Variants in ENTREP2 observed in about 807,000 individuals in gnomAD.
ENTREP2 encodes endosomal transmembrane epsin interactor 2.
At chr15:29,646,557 C>T in the ENTREP2 span, among the ~76,000 whole-genome samples, 1 of 152,132 alleles carries the variant, frequency 6.6e-6, no homozygotes, top group Non-Finnish European at 1.5e-5. Context: ...TTCTACCTGC[C>T]TCTTCTCCCA....
chr15:29,603,802 C>T, the ENTREP2 span, among the ~76,000 whole-genome samples: 1 of 152,108 alleles, frequency 6.6e-6, no homozygotes, highest in Non-Finnish European at 1.5e-5. Flanking sequence ...CCACGCCTGG[C>T]TAACTTTCGT....
chr15:29,384,654 CTG>C, the ENTREP2 span, among the ~76,000 whole-genome samples: 1 of 152,180 alleles, frequency 6.6e-6, no homozygotes, highest in South Asian at 2.1e-4. Context: ...ACAGCAGCCA[CTG>C]TGTGACTCAC....
At chr15:29,254,245 T>C in the ENTREP2 span, among the ~76,000 whole-genome samples, 1 of 151,020 alleles carries the variant, frequency 6.6e-6, no homozygotes, top group African/African-American at 2.4e-5. Context: ...CCTTTCAATG[T>C]CTTTATGCTA....
chr15:29,229,881 G>T, the ENTREP2 span, among the ~76,000 whole-genome samples: 1 of 151,694 alleles, frequency 6.6e-6, no homozygotes, highest in South Asian at 2.1e-4. Context: ...GACCACTTTG[G>T]TGACTTCCAG....
At chr15:29,334,367 A>T in the ENTREP2 span, among the ~76,000 whole-genome samples, 1 of 152,172 alleles carries the variant, frequency 6.6e-6, no homozygotes, top group Admixed American at 6.5e-5. Flanking sequence ...TACACAACCC[A>T]GGGCAGGCAG....
chr15:29,268,567 A>T, the ENTREP2 span: 1 of 461,810 alleles, frequency 2.2e-6, no homozygotes. Context: ...TTTATACCAA[A>T]AAGAGTAAAA....
the ENTREP2 span, among the ~76,000 whole-genome samples, chr15:29,647,745 A>G: frequency 6.6e-6 from 1 of 152,074 alleles, no homozygotes; most frequent in Non-Finnish European, 1.5e-5. Flanking sequence ...CCTCATATAT[A>G]CCTCTCCCGG....
At chr15:29,509,449 A>G in the ENTREP2 span, among the ~76,000 whole-genome samples, 3 of 152,216 alleles carry the variant, frequency 2.0e-5, no homozygotes, top group African/African-American at 7.2e-5. Flanking sequence ...AGCCAAGACT[A>G]TCCCAGGCAA....
chr15:29,283,560 T>G, the ENTREP2 span, among the ~76,000 whole-genome samples: 1 of 152,072 alleles, frequency 6.6e-6, no homozygotes, highest in Non-Finnish European at 1.5e-5. Context: ...TTAGCTATCA[T>G]AGCCTGCAGC....
chr15:29,502,865 G>A, the ENTREP2 span, among the ~76,000 whole-genome samples: 1 of 151,806 alleles, frequency 6.6e-6, no homozygotes, highest in African/African-American at 2.4e-5. Context: ...CAATATCATT[G>A]GCCATTAGAA....
At chr15:29,148,839 C>G in the ENTREP2 span, among the ~76,000 whole-genome samples, 1 of 151,526 alleles carries the variant, frequency 6.6e-6, no homozygotes, top group African/African-American at 2.4e-5. Context: ...AGGCACTTGT[C>G]AAGCAATGTG....
the ENTREP2 span, among the ~76,000 whole-genome samples, chr15:29,605,628 G>A: frequency 2.0e-5 from 3 of 152,150 alleles, no homozygotes; most frequent in African/African-American, 7.2e-5. Flanking sequence ...CCTGAGGTCA[G>A]GAGTTCAAGA....
At chr15:29,155,604 G>A in the ENTREP2 span, among the ~76,000 whole-genome samples, 1 of 152,194 alleles carries the variant, frequency 6.6e-6, no homozygotes. Flanking sequence ...AAGAACTCTT[G>A]TCTCCAGGCC....
chr15:29,471,360 C>A, the ENTREP2 span, among the ~76,000 whole-genome samples: 560 of 152,346 alleles, frequency 3.7e-3, 4 homozygotes, highest in African/African-American at 0.013. Context: ...CACAGCGGCC[C>A]CTCGAGCTGC....
At chr15:29,228,365 T>C in the ENTREP2 span, among the ~76,000 whole-genome samples, 1 of 152,108 alleles carries the variant, frequency 6.6e-6, no homozygotes, top group Non-Finnish European at 1.5e-5. Flanking sequence ...TACTGTATGC[T>C]TCCACTTACA....
At chr15:29,619,705 C>T in the ENTREP2 span, among the ~76,000 whole-genome samples, 1 of 152,108 alleles carries the variant, frequency 6.6e-6, no homozygotes, top group Non-Finnish European at 1.5e-5. Flanking sequence ...TGGAGCTTCA[C>T]TCTCTTGTCC....
chr15:29,572,479 T>C, the ENTREP2 span, among the ~76,000 whole-genome samples: 1 of 152,110 alleles, frequency 6.6e-6, no homozygotes, highest in African/African-American at 2.4e-5. Context: ...CATTCATTCA[T>C]TCATTCATTC....
At chr15:29,345,665 C>G in the ENTREP2 span, among the ~76,000 whole-genome samples, 1 of 151,956 alleles carries the variant, frequency 6.6e-6, no homozygotes, top group African/African-American at 2.4e-5. Flanking sequence ...GATAACACCC[C>G]CCAGGGATTC....
the ENTREP2 span, among the ~76,000 whole-genome samples, chr15:29,227,512 T>C: frequency 6.6e-6 from 1 of 152,010 alleles, no homozygotes; most frequent in African/African-American, 2.4e-5. Flanking sequence ...CCACAGTCCA[T>C]AAGGGTCATC....
Sources: allele counts gnomAD v4.1 joint callset (sites outside exome capture counted in the v4.1 genomes callset), GRCh38; gene constraint gnomAD v4.1.1; transcripts MANE v1.5; gene names NCBI Gene and HGNC (gene_info 2026-07-23, HGNC 2026-07-21).